Variants in OR7E24 observed in about 807,000 individuals in gnomAD.
The protein encoded by OR7E24 is olfactory receptor family 7 subfamily E member 24.
For missense variants in OR7E24, 385 were observed against 410.3 expected (o/e 0.94, Z 0.53); for synonymous variants, 130 against 157.5 (o/e 0.83, Z 1.31).
the OR7E24 span, among the ~76,000 whole-genome samples, chr19:9,215,993 C>T: frequency 6.6e-6 from 1 of 152,120 alleles, no homozygotes; most frequent in South Asian, 2.1e-4. Context: ...CAAGGAGGAG[C>T]AAGTCACATC....
chr19:9,251,111 A>G lies in OR7E24; in HGVS notation c.68A>G (p.Asn23Ser), dbSNP rs192312133. Reference protein sequence around the residue: ...KRCPSYTEPQNLTGVSEFLLL... With the variant: ...KRCPSYTEPQSLTGVSEFLLL... ...TGTCCGAGCTACACAGAGCCACAGA[A>G]TCTCACAGGTGTCTCAGAATTCCTC... Residue 23 changes from asparagine to serine, a missense_variant, in exon 1 of 1, where the codon AAT becomes AGT. By Grantham distance (46) the Asn-to-Ser change is conservative. Transcript: ENST00000456448. 4.3e-6 allele frequency: 7 copies of G among 1,613,544 alleles called. No individual in the cohort carries two copies. The East Asian group carries it at 8.9e-5, about 21-fold the overall frequency.
chr19:9,218,348 A>G, the OR7E24 span, among the ~76,000 whole-genome samples: 1 of 152,242 alleles, frequency 6.6e-6, no homozygotes, highest in Non-Finnish European at 1.5e-5. Context: ...GGTTTAATGT[A>G]AGAATGTCTG....
the OR7E24 span, chr19:9,236,121 C>T: frequency 1.9e-6 from 2 of 1,066,026 alleles, no homozygotes; most frequent in Non-Finnish European, 1.4e-6. Flanking sequence ...GCTATGGGTC[C>T]CTTAAGCAAA....
chr19:9,232,419 T>A, the OR7E24 span, among the ~76,000 whole-genome samples: 1 of 150,802 alleles, frequency 6.6e-6, no homozygotes, highest in South Asian at 2.1e-4. Flanking sequence ...GCGCCTGTAG[T>A]CCCAGCTATT....
chr19:9,226,819 C>T, the OR7E24 span, among the ~76,000 whole-genome samples: 8 of 152,198 alleles, frequency 5.3e-5, no homozygotes, highest in Admixed American at 5.2e-4. Flanking sequence ...GACTTGAGAA[C>T]AGAAGCACAA....
chr19:9,215,109 A>C, the OR7E24 span, among the ~76,000 whole-genome samples: 35 of 151,916 alleles, frequency 2.3e-4, no homozygotes, highest in African/African-American at 8.5e-4. Context: ...CTTTGGGAGG[A>C]CAAGGTGGGC....
At chr19:9,249,753 G>A (rs2066139975), upstream of OR7E24, among the ~76,000 whole-genome samples, 1 of 152,136 alleles carries the variant, frequency 6.6e-6, no homozygotes, top group East Asian at 1.9e-4. Flanking sequence ...AGAAGTTTGA[G>A]ACCAGCCTGG....
the OR7E24 span, among the ~76,000 whole-genome samples, chr19:9,219,812 G>T: frequency 6.6e-6 from 1 of 152,122 alleles, no homozygotes; most frequent in Admixed American, 6.5e-5. Flanking sequence ...GATGAAATAG[G>T]CAGTGGTAGG....
chr19:9,218,120 G>A, the OR7E24 span, among the ~76,000 whole-genome samples: 1 of 152,290 alleles, frequency 6.6e-6, no homozygotes, highest in African/African-American at 2.4e-5. Context: ...AAGGATTTAC[G>A]TGGTGCCCAG....
At chr19:9,250,753 AT>A (rs2066142995), upstream of OR7E24, among the ~76,000 whole-genome samples, 1 of 152,158 alleles carries the variant, frequency 6.6e-6, no homozygotes, top group South Asian at 2.1e-4. Context: ...GGGCAAGAAT[AT>A]TTTTGTTGTA....
At chr19:9,235,402 G>A in the OR7E24 span, 1 of 1,596,026 alleles carries the variant, frequency 6.3e-7, no homozygotes, top group Non-Finnish European at 8.6e-7. Flanking sequence ...GAACATCCAG[G>A]CACGGAGCAA....
upstream of OR7E24, among the ~76,000 whole-genome samples, chr19:9,249,963 TAA>T (rs773816015): frequency 6.7e-6 from 1 of 148,930 alleles, no homozygotes; most frequent in Admixed American, 6.7e-5. Context: ...ACTCAGGTCT[TAA>T]AAAAAAAAAT....
At chr19:9,239,970 T>C in the OR7E24 span, among the ~76,000 whole-genome samples, 4 of 152,238 alleles carry the variant, frequency 2.6e-5, no homozygotes, top group South Asian at 6.2e-4. Flanking sequence ...CCTCCCAAAG[T>C]GCTGGGATTA....
At chr19:9,217,625 G>C in the OR7E24 span, among the ~76,000 whole-genome samples, 1 of 152,112 alleles carries the variant, frequency 6.6e-6, no homozygotes, top group Non-Finnish European at 1.5e-5. Context: ...TGCAACCTCT[G>C]CCTCCCAGGT....
rs1305535614 is a variant in OR7E24, at chr19:9,251,235, C to T, written c.192C>T (p.Ile64=). The T allele has an allele frequency of 5.0e-6, 8 of 1,613,850 alleles. No homozygotes were observed. The highest frequency in any genetic ancestry group is 6.8e-6 in the Non-Finnish European group (8 of 1,179,946). ...CGGTGCTGGGGAACCTGCTCATCAT[C>T]CTGGCTGTCAGCTCTGACTCCCACC... is the stretch of plus-strand genomic sequence containing the variant. The part of the protein sequence containing the change: ...LVTVLGNLLI[I]LAVSSDSHLH... Residue 64 remains isoleucine (I), a synonymous_variant, in exon 1 of 1, where the codon ATC becomes ATT. Coordinates refer to ENST00000456448, the MANE Select transcript of OR7E24 (RefSeq NM_001079935.2).
the OR7E24 span, chr19:9,235,752 G>A: frequency 1.3e-4 from 210 of 1,607,414 alleles, no homozygotes; most frequent in East Asian, 2.7e-3. Flanking sequence ...ATGTGGCCAT[G>A]GCACTGCTGG....
the OR7E24 span, chr19:9,236,154 C>G: frequency 1.3e-6 from 1 of 764,910 alleles, no homozygotes; most frequent in Admixed American, 2.5e-5. Context: ...TATCCTAGAT[C>G]TTGCTCTCCC....
chr19:9,227,140 G>A, the OR7E24 span, among the ~76,000 whole-genome samples: 9 of 152,082 alleles, frequency 5.9e-5, no homozygotes, highest in Non-Finnish European at 1.0e-4. Context: ...GTGAGAACAT[G>A]CGGTATTTGC....
chr19:9,214,655 G>A, the OR7E24 span: 7 of 1,614,068 alleles, frequency 4.3e-6, no homozygotes, highest in African/African-American at 6.7e-5. Flanking sequence ...TGGAGAGGAA[G>A]AAGTACATGG....
Sources: allele counts gnomAD v4.1 joint callset (sites outside exome capture counted in the v4.1 genomes callset), GRCh38; gene constraint gnomAD v4.1.1; transcripts MANE v1.5; gene names NCBI Gene and HGNC (gene_info 2026-07-23, HGNC 2026-07-21).